The following MAGI2 variants were observed in gnomAD, a reference collection of about 807,000 sequenced individuals.
The protein encoded by MAGI2 is membrane associated guanylate kinase, WW and PDZ domain containing 2.
In MAGI2, 35 loss-of-function variants were observed where a neutral mutation model predicts 133.3. The observed-to-expected ratio is 0.26, with a 90% CI of 0.20 to 0.35. MAGI2 has a LOEUF of 0.35. Ranked by LOEUF, MAGI2 falls within the 10% of genes least tolerant of loss-of-function variation. The pLI, the probability that MAGI2 is intolerant of heterozygous loss-of-function variation, is 1.00. For synonymous variants in MAGI2, 729 were observed against 710.6 expected (o/e 1.03, Z -0.41); for missense variants, 1,636 against 1,863.4 (o/e 0.88, Z 2.25).
chr7:78,801,037 T>C lies in MAGI2; in HGVS notation c.419-173798A>G, dbSNP rs75705421. Among the ~76,000 whole-genome samples the C allele has an allele frequency of 4.9e-3, 743 of 152,302 alleles. 12 individuals carry two copies. In the East Asian group the frequency reaches 0.064, roughly 13 times the overall value. ...AGCTACAGAGTTTAATGTTTTATTG[T>C]TTAATAATTTAAGTGATTGACAAAG... On this transcript the variant is annotated intron_variant, in intron 2 of 21. Coordinates refer to ENST00000354212, the MANE Select transcript of MAGI2 (RefSeq NM_012301.4).
intron 1 of MAGI2, among the ~76,000 whole-genome samples, chr7:79,200,992 A>C (rs933379895): frequency 3.9e-5 from 6 of 152,138 alleles, no homozygotes; most frequent in African/African-American, 1.4e-4. Flanking sequence ...AAATGTCACG[A>C]GTACACACAT....
chr7:78,527,723 CAA>C (rs1406527636), intron 3 of MAGI2, among the ~76,000 whole-genome samples: 5 of 149,876 alleles, frequency 3.3e-5, no homozygotes, highest in African/African-American at 1.3e-4. Flanking sequence ...TTTCTTTAAA[CAA>C]GATCAGTTTT....
At position 78,339,802 on chromosome 7, in the gene MAGI2, A is replaced by G. The variant is rs537425589; in HGVS notation, c.1408+3976T>C. Among the ~76,000 whole-genome samples the G allele has an allele frequency of 2.0e-5, 3 of 152,324 alleles. No individual in the cohort carries two copies. In the South Asian group the frequency reaches 6.2e-4, roughly 32 times the overall value. ...CACTCTTGTAGAAAATTATGTACACATGACTTTTATAACAGTAGCGTTTGG... is the reference window on the plus strand; with the variant it reads ...CACTCTTGTAGAAAATTATGTACACGTGACTTTTATAACAGTAGCGTTTGG... On this transcript the variant is annotated intron_variant, in intron 9 of 21. Transcript: ENST00000354212.
intron 6 of MAGI2, among the ~76,000 whole-genome samples, chr7:78,405,273 C>A (rs1413931179): frequency 3.9e-5 from 6 of 152,072 alleles, no homozygotes; most frequent in African/African-American, 1.4e-4. Context: ...GAAATAATTT[C>A]ATTCTGAAAG....
intron 21 of MAGI2, among the ~76,000 whole-genome samples, chr7:78,058,510 T>C (rs1029388095): frequency 6.6e-6 from 1 of 151,900 alleles, no homozygotes; most frequent in African/African-American, 2.4e-5. Flanking sequence ...TTCGCTTTGT[T>C]GCCCAGGCTG....
At position 78,620,187 on chromosome 7, in the gene MAGI2, C is replaced by T. The variant is rs116433365; in HGVS notation, c.538+6933G>A. On this transcript the variant is annotated intron_variant, in intron 3 of 21. Coordinates refer to ENST00000354212, the MANE Select transcript of MAGI2 (RefSeq NM_012301.4). ...CTTTCAAGAAATATTATTTATATTT[C>T]AGTGGATAGAAATTTGAACTGATAG... Among the ~76,000 whole-genome samples, 253 of 151,972 alleles carry T rather than the reference C, an allele frequency of 1.7e-3. 2 individuals are homozygous for T. The highest frequency in any genetic ancestry group is 6.0e-3 in the African/African-American group (248 of 41,514).
At chr7:78,349,889 T>C (rs1791318264) in intron 7 of MAGI2, among the ~76,000 whole-genome samples, 1 of 152,214 alleles carries the variant, frequency 6.6e-6, no homozygotes, top group African/African-American at 2.4e-5. Context: ...TACAAAAAGA[T>C]GTGAATGACA....
chr7:78,609,382 G>A (rs1806190167), intron 3 of MAGI2, among the ~76,000 whole-genome samples: 1 of 151,930 alleles, frequency 6.6e-6, no homozygotes. Flanking sequence ...CATACAACAG[G>A]AAACACACCA....
rs1215099211 is a variant in MAGI2, at chr7:78,132,971, G to C, written c.3121C>G (p.Gln1041Glu). 6.2e-7 allele frequency: 1 copy of C among 1,613,354 alleles called. No homozygotes were observed. Among genetic ancestry groups the C allele is most frequent in the Non-Finnish European group, 8.5e-7 (1 of 1,179,758 alleles). ...SPLAQQSPLA[Q>E]PSPATPNSPI... ...CTGTTGGGGGTGGCTGGGCTTGGCT[G>C]GGCCAGGGGACTCTGCTGTGCCAGG... is the stretch of plus-strand genomic sequence containing the variant. Residue 1041 changes from glutamine to glutamate, a missense_variant, in exon 18 of 22, where the codon CAG becomes GAG. This residue lies in a region of MAGI2 where 920 missense variants were observed against 1,093.5 expected (regional missense o/e 0.84). Coordinates refer to ENST00000354212, the MANE Select transcript of MAGI2 (RefSeq NM_012301.4).
At position 78,656,003 on chromosome 7, in the gene MAGI2, AG is replaced by A. The variant is rs1382801739; in HGVS notation, c.419-28765del. 2.2e-3 allele frequency among the ~76,000 whole-genome samples: 331 copies of A among 149,174 alleles called. 6 individuals carry two copies. In the East Asian group the frequency reaches 0.023, roughly 10 times the overall value. ...CTCAAAAAAAAAAAAAAAAAGAAAA[AG>A]AAAAGAGGTTTGAAAAAATTGCTAT... On this transcript the variant is annotated intron_variant, in intron 2 of 21. Coordinates refer to ENST00000354212, the MANE Select transcript of MAGI2 (RefSeq NM_012301.4).
intron 1 of MAGI2, among the ~76,000 whole-genome samples, chr7:79,110,909 G>A (rs1818874108): frequency 6.6e-6 from 1 of 152,182 alleles, no homozygotes; most frequent in South Asian, 2.1e-4. Context: ...TTAAAAATGT[G>A]TGGTACCCCC....
At chr7:78,889,227 T>A (rs761650374) in intron 2 of MAGI2, among the ~76,000 whole-genome samples, 1 of 152,162 alleles carries the variant, frequency 6.6e-6, no homozygotes, top group Non-Finnish European at 1.5e-5. Flanking sequence ...TATGGGACTA[T>A]GTGAGAAGAC....
chr7:78,395,246 TAA>T (rs928697056), intron 6 of MAGI2, among the ~76,000 whole-genome samples: 1 of 152,096 alleles, frequency 6.6e-6, no homozygotes, highest in African/African-American at 2.4e-5. Flanking sequence ...GCACAGATTT[TAA>T]AAAGAGGATA....
intron 1 of MAGI2, among the ~76,000 whole-genome samples, chr7:79,214,236 G>T (rs974566719): frequency 1.3e-5 from 2 of 150,788 alleles, no homozygotes; most frequent in African/African-American, 4.9e-5. Flanking sequence ...TTTCTGGTTT[G>T]ATACTTCCTT....
chr7:78,739,881 A>G (rs958595621), intron 2 of MAGI2, among the ~76,000 whole-genome samples: 10 of 152,110 alleles, frequency 6.6e-5, no homozygotes, highest in Non-Finnish European at 1.5e-4. Flanking sequence ...TAACCTGGCC[A>G]GGCGCGGTGG....
At chr7:79,266,285 G>A (rs1834452398) in intron 1 of MAGI2, among the ~76,000 whole-genome samples, 1 of 128,144 alleles carries the variant, frequency 7.8e-6, no homozygotes. Flanking sequence ...ACTTTGTTCA[G>A]AAAAGTCTTC....
At chr7:79,177,445 T>A (rs1398320877) in intron 1 of MAGI2, among the ~76,000 whole-genome samples, 1 of 152,078 alleles carries the variant, frequency 6.6e-6, no homozygotes, top group Non-Finnish European at 1.5e-5. Context: ...CCTCTAAACA[T>A]AAGCTACAAG....
At chr7:78,889,695 ACCAGG>A (rs1796577719) in intron 2 of MAGI2, among the ~76,000 whole-genome samples, 1 of 152,190 alleles carries the variant, frequency 6.6e-6, no homozygotes, top group Non-Finnish European at 1.5e-5. Flanking sequence ...TTTTGTCACC[ACCAGG>A]CCTGCCCTAA....
chr7:79,047,560 T>C (rs1812295553), intron 1 of MAGI2, among the ~76,000 whole-genome samples: 1 of 152,150 alleles, frequency 6.6e-6, no homozygotes, highest in African/African-American at 2.4e-5. Context: ...AACATTCTTT[T>C]ATATGTGTGT....
Sources: allele counts gnomAD v4.1 joint callset (sites outside exome capture counted in the v4.1 genomes callset), GRCh38; gene constraint gnomAD v4.1.1; regional missense constraint gnomAD v4.1.1; transcripts MANE v1.5; gene names NCBI Gene and HGNC (gene_info 2026-07-23, HGNC 2026-07-21).